The following ATXN1 variants were observed in gnomAD, a reference collection of about 807,000 sequenced individuals.
The protein encoded by ATXN1 is ataxin 1, also known as ataxin-1.
ATXN1 carries 8 observed loss-of-function variants against 56.4 expected under a neutral mutation model. That is an observed-to-expected ratio of 0.14 (90% CI 0.08 to 0.26). The LOEUF is 0.26. ATXN1 is among the 10% of genes least tolerant of loss of function. ATXN1 has a pLI of 1.00. For missense variants in ATXN1, 987 were observed against 1,106.5 expected (o/e 0.89, Z 1.53); for synonymous variants, 514 against 494.6 (o/e 1.04, Z -0.52).
Position 16,706,736 on chromosome 6 carries a change from A to AAAAAAC in ATXN1, c.-615+46496_-615+46497insGTTTTT, listed in dbSNP as rs1554127335. Among the ~76,000 whole-genome samples the AAAAAAC allele has an allele frequency of 2.8e-5, 4 of 144,760 alleles. 1 individual carries two copies. Among genetic ancestry groups the AAAAAAC allele is most frequent in the Non-Finnish European group, 4.5e-5 (3 of 66,462 alleles). 95.0% of individuals were successfully genotyped at this position (144,760 alleles called of 152,430 possible). ...AAGACTCCATCTCAAAAAAAAAAAA[A>AAAAAAC]AAAAGGAAGAAAGAAAGAGGACCCT... On this transcript the variant is annotated intron_variant, in intron 2 of 7. Coordinates refer to ENST00000436367, the MANE Select transcript of ATXN1 (RefSeq NM_001128164.2).
intron 6 of ATXN1, among the ~76,000 whole-genome samples, chr6:16,474,501 G>T (rs1404557842): frequency 6.6e-6 from 1 of 152,208 alleles, no homozygotes; most frequent in African/African-American, 2.4e-5. Context: ...TCCCAGCCAA[G>T]CTGGCCCAGA....
intron 3 of ATXN1, among the ~76,000 whole-genome samples, chr6:16,602,715 G>A (rs1034220533): frequency 6.6e-6 from 1 of 152,176 alleles, no homozygotes; most frequent in Non-Finnish European, 1.5e-5. Flanking sequence ...CTCCCAAAGT[G>A]CTGAGATTAC....
intron 6 of ATXN1, among the ~76,000 whole-genome samples, chr6:16,472,329 A>G (rs575703089): frequency 6.6e-6 from 1 of 152,306 alleles, no homozygotes; most frequent in Middle Eastern, 3.4e-3. Context: ...AGCACAAAAC[A>G]TGGAATTGGG....
chr6:16,678,293 G>C (rs1157446957), intron 2 of ATXN1, among the ~76,000 whole-genome samples: 1 of 152,118 alleles, frequency 6.6e-6, no homozygotes, highest in Non-Finnish European at 1.5e-5. Context: ...AAATGTACAT[G>C]TTTGTACCAA....
intron 6 of ATXN1, among the ~76,000 whole-genome samples, chr6:16,360,053 C>A (rs1761775198): frequency 6.6e-6 from 1 of 151,486 alleles, no homozygotes; most frequent in African/African-American, 2.4e-5. Context: ...ACCTGTTCCC[C>A]CAAAACCTAT....
At chr6:16,455,699 T>G (rs542710224) in intron 6 of ATXN1, among the ~76,000 whole-genome samples, 2 of 152,094 alleles carry the variant, frequency 1.3e-5, no homozygotes, top group Admixed American at 6.5e-5. Context: ...TATTCAGCAC[T>G]AAAAACAAAT....
chr6:16,638,763 A>G (rs1240985147), intron 3 of ATXN1, among the ~76,000 whole-genome samples: 1 of 152,212 alleles, frequency 6.6e-6, no homozygotes, highest in Admixed American at 6.5e-5. Context: ...ATGAATTCCA[A>G]TATGTGGCTT....
At chr6:16,490,219 T>C (rs926582577) in intron 5 of ATXN1, among the ~76,000 whole-genome samples, 1 of 151,874 alleles carries the variant, frequency 6.6e-6, no homozygotes, top group Non-Finnish European at 1.5e-5. Context: ...GTGTGGCCTC[T>C]CTACTTGGAG....
At chr6:16,500,222 C>T (rs559143927) in intron 5 of ATXN1, among the ~76,000 whole-genome samples, 1 of 152,330 alleles carries the variant, frequency 6.6e-6, no homozygotes, top group East Asian at 1.9e-4. Flanking sequence ...TTCTCAACAA[C>T]CGTGTGAAAG....
rs1478167251 is a variant in ATXN1, at chr6:16,506,177, A to G, written c.-299+16450T>C. ...AAATAGAAAATATTTCTAGGGTAGC[A>G]CAGAAGTTTGGCCTTTTCGCTGGTG... On this transcript the variant is annotated intron_variant, in intron 5 of 7. Transcript: ENST00000436367. The surrounding 1 kb of genome is among the most constrained non-coding windows in gnomAD (Gnocchi z 4.1). Among the ~76,000 whole-genome samples, 1 of 152,266 alleles carries G rather than the reference A, an allele frequency of 6.6e-6. No homozygotes were observed. The highest frequency in any genetic ancestry group is 1.5e-5 in the Non-Finnish European group (1 of 68,050).
At chr6:16,581,024 A>C (rs968709740) in intron 4 of ATXN1, among the ~76,000 whole-genome samples, 2 of 151,858 alleles carry the variant, frequency 1.3e-5, no homozygotes, top group African/African-American at 4.8e-5. Context: ...TTTTCATTTC[A>C]TTTTCAACCT....
chr6:16,512,286 C>A (rs537271186), intron 5 of ATXN1, among the ~76,000 whole-genome samples: 2 of 152,314 alleles, frequency 1.3e-5, no homozygotes, highest in African/African-American at 4.8e-5. Flanking sequence ...ACAGAAGACA[C>A]AATTTGCTCT....
At chr6:16,644,252 G>C (rs1007442833) in intron 3 of ATXN1, among the ~76,000 whole-genome samples, 2 of 152,308 alleles carry the variant, frequency 1.3e-5, no homozygotes, top group East Asian at 1.9e-4. Flanking sequence ...GGCCAGGTGT[G>C]GTGGCTCACG....
At chr6:16,556,271 C>T (rs941989347) in intron 4 of ATXN1, among the ~76,000 whole-genome samples, 35 of 152,182 alleles carry the variant, frequency 2.3e-4, no homozygotes, top group Middle Eastern at 3.4e-3. Context: ...TCTGGGGGGA[C>T]GCTGAGGAAA....
At chr6:16,371,852 T>C (rs1347793689) in intron 6 of ATXN1, among the ~76,000 whole-genome samples, 3 of 152,192 alleles carry the variant, frequency 2.0e-5, no homozygotes, top group Non-Finnish European at 4.4e-5. Context: ...GTGCTGGAAT[T>C]ACAGGCATGA....
intron 2 of ATXN1, among the ~76,000 whole-genome samples, chr6:16,686,660 T>C (rs1035575420): frequency 6.6e-6 from 1 of 152,216 alleles, no homozygotes; most frequent in African/African-American, 2.4e-5. Flanking sequence ...AAGTCAATTT[T>C]TCCATCAATG....
intron 4 of ATXN1, among the ~76,000 whole-genome samples, chr6:16,567,057 T>C (rs1762244078): frequency 6.6e-6 from 1 of 152,238 alleles, no homozygotes; most frequent in South Asian, 2.1e-4. Flanking sequence ...AAGTGCTTTC[T>C]TTCACACTGA....
At position 16,303,527 on chromosome 6, in the gene ATXN1, G is replaced by C. The variant is rs1483656037; in HGVS notation, c.*2802C>G. ...CTTTAACTATATAGCACACTGGTCA[G>C]ACTCTATTGGCACAGAAAGTATTGC... On this transcript the variant is annotated 3_prime_UTR_variant, in exon 8 of 8. Transcript: ENST00000436367. The surrounding 1 kb of genome is among the most constrained non-coding windows in gnomAD (Gnocchi z 4.3). 6.5e-6 allele frequency: 1 copy of C among 152,702 alleles called. No homozygotes were observed. Among genetic ancestry groups the C allele is most frequent in the African/African-American group, 2.4e-5 (1 of 41,464 alleles). 9.5% of individuals were successfully genotyped at this position (152,702 alleles called of 1,614,324 possible). A position where few individuals can be genotyped will look rare whatever the true frequency, so the allele number is the denominator to read the frequency against.
At chr6:16,466,675 G>A (rs922705227) in intron 6 of ATXN1, among the ~76,000 whole-genome samples, 11 of 151,900 alleles carry the variant, frequency 7.2e-5, no homozygotes, top group Admixed American at 6.6e-4. Context: ...TTCTATTTCT[G>A]TAAAGCTACA....
Sources: gnomAD v4.1 joint callset for allele counts (sites outside exome capture counted in the v4.1 genomes callset) on GRCh38, gnomAD v4.1.1 for gene constraint, Gnocchi (gnomAD v3.1) non-coding constraint, MANE v1.5 for transcripts, NCBI Gene and HGNC (gene_info 2026-07-23, HGNC 2026-07-21) for gene names.